Variants in ADAMTS9 observed in about 807,000 individuals in gnomAD.
The protein encoded by ADAMTS9 is A disintegrin and metalloproteinase with thrombospondin motifs 9.
In ADAMTS9, 107 loss-of-function variants were observed where a neutral mutation model predicts 257.1. That is an observed-to-expected ratio of 0.42 (90% CI 0.36 to 0.49). The LOEUF (loss-of-function observed/expected upper bound fraction) is 0.49. Ranked by LOEUF, ADAMTS9 falls within the 20% of genes least tolerant of loss-of-function variation. The pLI, the probability that ADAMTS9 is intolerant of heterozygous loss-of-function variation, is 0.03. For missense variants in ADAMTS9, 2,353 were observed against 2,469.1 expected (o/e 0.95, Z 1.00); for synonymous variants, 982 against 880.9 (o/e 1.11, Z -2.03).
chr3:64,616,092 T>C lies in ADAMTS9; in HGVS notation c.2892A>G (p.Lys964=), dbSNP rs762861744. ...CAGTCTTCCCATCCAGCCTGCTATA[T>C]TTGGCACAGTAGATGTCCAATGTGC... The part of the protein sequence containing the change: ...GYRTLDIYCA[K]YSRLDGKTEK... The change falls in exon 20 of 40, where the codon AAA becomes AAG. Residue 964 remains lysine (K), a synonymous_variant. Coordinates refer to ENST00000498707, the MANE Select transcript of ADAMTS9 (RefSeq NM_182920.2). 6.2e-7 allele frequency: 1 copy of C among 1,614,162 alleles called. No individual in the cohort carries two copies. Among genetic ancestry groups the C allele is most frequent in the Non-Finnish European group, 8.5e-7 (1 of 1,180,006 alleles).
At chr3:64,591,939 T>C (rs1243261852) in intron 28 of ADAMTS9, among the ~76,000 whole-genome samples, 1 of 152,154 alleles carries the variant, frequency 6.6e-6, no homozygotes, top group African/African-American at 2.4e-5. Context: ...CACCGTCAGT[T>C]ACAATGATGA....
chr3:64,641,934 G>A lies in ADAMTS9; in HGVS notation c.1770C>T (p.Ser590=), dbSNP rs1354574006. ...KEMDVPVTDG[S]WGSWSPFGTC... is the part of the protein sequence containing the mutation. ...TTCCAAAGGGACTCCAACTTCCCCA[G>A]GATCCATCTGTCACGGGGACATCCA... Residue 590 remains serine, a synonymous_variant, in exon 12 of 40, where the codon TCC becomes TCT. Transcript: ENST00000498707. 2 of 1,613,956 alleles carry A rather than the reference G, an allele frequency of 1.2e-6. No individual in the cohort carries two copies. Among genetic ancestry groups the A allele is most frequent in the South Asian group, 1.1e-5 (1 of 91,080 alleles).
At chr3:64,574,967 A>C (rs973111800) in intron 28 of ADAMTS9, among the ~76,000 whole-genome samples, 2 of 152,064 alleles carry the variant, frequency 1.3e-5, no homozygotes, top group African/African-American at 4.8e-5. Context: ...TTCTCACAAC[A>C]CCTTTAGTGC....
At chr3:64,623,214 A>G (rs561401836) in intron 16 of ADAMTS9, among the ~76,000 whole-genome samples, 6 of 152,320 alleles carry the variant, frequency 3.9e-5, no homozygotes, top group African/African-American at 1.4e-4. Context: ...AATGACTGCA[A>G]TCACTAGGAC....
Position 64,658,486 on chromosome 3 carries a change from G to A in ADAMTS9, c.969+16C>T, listed in dbSNP as rs555245756. ...TTTAGAGACCTCATAAATCACCTTCGTTTGAATGTACTTACAATTGACATT... is the reference window on the plus strand; with the variant it reads ...TTTAGAGACCTCATAAATCACCTTCATTTGAATGTACTTACAATTGACATT... On this transcript the variant is annotated intron_variant, in intron 4 of 39. Transcript: ENST00000498707. The A allele has an allele frequency of 6.6e-5, 106 of 1,602,756 alleles. No homozygotes were observed. In the Admixed American group the frequency reaches 8.9e-4, roughly 13 times the overall value.
At chr3:64,585,664 C>A (rs897050568) in intron 28 of ADAMTS9, among the ~76,000 whole-genome samples, 2 of 152,138 alleles carry the variant, frequency 1.3e-5, no homozygotes, top group African/African-American at 4.8e-5. Context: ...AGTCACCTGA[C>A]TGGCTCTAAT....
intron 28 of ADAMTS9, among the ~76,000 whole-genome samples, chr3:64,574,032 A>G (rs1483956165): frequency 6.6e-6 from 1 of 152,224 alleles, no homozygotes; most frequent in East Asian, 1.9e-4. Flanking sequence ...GAAATGAATG[A>G]ACATATGAAA....
rs555270880 is a variant in ADAMTS9, at chr3:64,658,246, C to T, written c.969+256G>A. Among the ~76,000 whole-genome samples, 38 of 152,316 alleles carry T rather than the reference C, an allele frequency of 2.5e-4. No individual in the cohort carries two copies. The South Asian group carries it at 7.9e-3, about 32-fold the overall frequency. On this transcript the variant is annotated intron_variant, in intron 4 of 39. Transcript: ENST00000498707. Reference sequence around the variant, plus strand: ...CATGATTGATAATCTCACCTGGCAGCGTTGCCAGAAGGATTCAAAATTATA... The same window carrying T: ...CATGATTGATAATCTCACCTGGCAGTGTTGCCAGAAGGATTCAAAATTATA...
In ADAMTS9 at chr3:64,655,708, A is replaced by C. The variant is rs1490886063; in HGVS notation, c.1054-17T>G. 2 of 1,606,184 alleles carry C rather than the reference A, an allele frequency of 1.2e-6. No individual in the cohort carries two copies. The highest frequency in any genetic ancestry group is 2.7e-5 in the African/African-American group (2 of 74,874). On this transcript the variant is annotated splice_polypyrimidine_tract_variant and intron_variant, in intron 5 of 39. Coordinates refer to ENST00000498707, the MANE Select transcript of ADAMTS9 (RefSeq NM_182920.2). Reference sequence around the variant, plus strand: ...AGGCCCATCCTAAATACAGAGAAGAATTATGGTTAATCTGTTGTACCGATC... The same window carrying C: ...AGGCCCATCCTAAATACAGAGAAGACTTATGGTTAATCTGTTGTACCGATC...
At chr3:64,613,006 C>T (rs1161102440) in intron 22 of ADAMTS9, among the ~76,000 whole-genome samples, 2 of 152,138 alleles carry the variant, frequency 1.3e-5, no homozygotes, top group South Asian at 2.1e-4. Context: ...GCTGGATCAC[C>T]TTCTGTAACA....
At chr3:64,555,392 C>T (rs189584685) in intron 30 of ADAMTS9, among the ~76,000 whole-genome samples, 1 of 152,228 alleles carries the variant, frequency 6.6e-6, no homozygotes, top group Non-Finnish European at 1.5e-5. Flanking sequence ...TTCATTCAAT[C>T]AATCAGTATT....
At chr3:64,652,414 G>A (rs746362360) in intron 8 of ADAMTS9, among the ~76,000 whole-genome samples, 11 of 152,072 alleles carry the variant, frequency 7.2e-5, no homozygotes, top group Non-Finnish European at 5.9e-5. Flanking sequence ...TTAAAAGAAC[G>A]AATGCCTTGG....
chr3:64,626,894 G>T (rs1010388052), intron 16 of ADAMTS9, among the ~76,000 whole-genome samples: 1 of 152,074 alleles, frequency 6.6e-6, no homozygotes, highest in African/African-American at 2.4e-5. Flanking sequence ...CTCCTGCAGC[G>T]CGAGACCCAT....
chr3:64,621,360 T>A (rs1576126719), intron 18 of ADAMTS9, 120 bp from the exon 19 acceptor site: 2 of 1,180,730 alleles, frequency 1.7e-6, no homozygotes, highest in Non-Finnish European at 2.4e-6. Flanking sequence ...TCAGAGCGTA[T>A]GATCTCTGTT....
intron 15 of ADAMTS9, 118 bp from the exon 16 acceptor site, chr3:64,631,668 G>A: frequency 2.6e-6 from 3 of 1,165,686 alleles, no homozygotes; most frequent in South Asian, 1.3e-5. Context: ...TCTATTAGGT[G>A]CCTTCTAGTC....
chr3:64,667,371 G>A (rs957814460), intron 3 of ADAMTS9, among the ~76,000 whole-genome samples: 12 of 152,130 alleles, frequency 7.9e-5, no homozygotes, highest in Non-Finnish European at 1.8e-4. Context: ...CCAAACTTAC[G>A]GGATCTTTGC....
At chr3:64,571,861 A>C (rs1485451492) in intron 28 of ADAMTS9, among the ~76,000 whole-genome samples, 1 of 152,208 alleles carries the variant, frequency 6.6e-6, no homozygotes, top group Non-Finnish European at 1.5e-5. Context: ...CACAAGTTTC[A>C]GCTCTTACAT....
At chr3:64,651,443 T>C (rs1700929291) in intron 8 of ADAMTS9, among the ~76,000 whole-genome samples, 2 of 152,294 alleles carry the variant, frequency 1.3e-5, no homozygotes, top group African/African-American at 2.4e-5. Flanking sequence ...CTTTTAGGAA[T>C]TGCAGAGGCT....
At chr3:64,577,631 G>A (rs898678598) in intron 28 of ADAMTS9, among the ~76,000 whole-genome samples, 5 of 152,172 alleles carry the variant, frequency 3.3e-5, no homozygotes, top group African/African-American at 1.2e-4. Context: ...TTGAAGGCCT[G>A]GACTGGAGAG....
Sources: gnomAD v4.1 joint callset for allele counts (sites outside exome capture counted in the v4.1 genomes callset) on GRCh38, gnomAD v4.1.1 for gene constraint, MANE v1.5 for transcripts, NCBI Gene and HGNC (gene_info 2026-07-23, HGNC 2026-07-21) for gene names.